The following ARHGEF28 variants were observed in gnomAD, a reference collection of about 807,000 sequenced individuals.
ARHGEF28 encodes 190 kDa guanine nucleotide exchange factor.
Under a neutral mutation model 206.6 loss-of-function variants are expected in ARHGEF28, and 152 were observed. The observed-to-expected ratio is 0.74, with a 90% confidence interval of 0.64 to 0.84. The LOEUF (loss-of-function observed/expected upper bound fraction) is 0.84. Ranked by LOEUF, ARHGEF28 falls within the 40% of genes least tolerant of loss-of-function variation. The probability of loss-of-function intolerance (pLI) is 0.00; values close to 1 mark genes in which losing one functional copy is unlikely to be tolerated. For missense variants in ARHGEF28, 2,028 were observed against 2,073.2 expected (o/e 0.98, Z 0.42); for synonymous variants, 763 against 776.4 (o/e 0.98, Z 0.29).
chr5:73,839,275 G>A (rs186699846), intron 10 of ARHGEF28, among the ~76,000 whole-genome samples: 1 of 152,126 alleles, frequency 6.6e-6, no homozygotes, highest in Non-Finnish European at 1.5e-5. Context: ...CATGTCAGGA[G>A]ATATTTTAAG....
chr5:73,904,164 A>C, intron 31 of ARHGEF28, 58 bp from the exon 32 acceptor site: 1 of 1,572,578 alleles, frequency 6.4e-7, no homozygotes, highest in Non-Finnish European at 8.8e-7. Flanking sequence ...GGGACACTGC[A>C]GGGCAGCTTT....
intron 34 of ARHGEF28, 46 bp from the exon 35 acceptor site, chr5:73,911,229 A>G (rs1484360054): frequency 1.0e-5 from 15 of 1,478,934 alleles, no homozygotes; most frequent in Admixed American, 8.5e-5. Context: ...TGAAACTTGT[A>G]TAAGTTAGAA....
At chr5:73,678,586 T>G (rs1019972075) in intron 1 of ARHGEF28, among the ~76,000 whole-genome samples, 3 of 152,206 alleles carry the variant, frequency 2.0e-5, no homozygotes, top group Non-Finnish European at 4.4e-5. Context: ...TGTGTGATTC[T>G]GGACTTTGGA....
At chr5:73,759,544 G>A (rs942953551) in intron 4 of ARHGEF28, among the ~76,000 whole-genome samples, 3 of 152,260 alleles carry the variant, frequency 2.0e-5, no homozygotes, top group East Asian at 1.9e-4. Context: ...ACAGAGGCCC[G>A]AAAGGACTTT....
At chr5:73,911,642 C>G in intron 35 of ARHGEF28, 67 bp downstream of exon 35, 3 of 1,458,064 alleles carry the variant, frequency 2.1e-6, no homozygotes, top group Non-Finnish European at 2.8e-6. Context: ...ATGGTTGGCT[C>G]TTGTGTAGAG....
At chr5:73,922,739 C>T (rs1037722158) in intron 35 of ARHGEF28, among the ~76,000 whole-genome samples, 2 of 152,126 alleles carry the variant, frequency 1.3e-5, no homozygotes, top group African/African-American at 4.8e-5. Context: ...CTGACTAAAA[C>T]TGAACCCTCT....
At chr5:73,897,853 G>T in intron 29 of ARHGEF28, 109 bp from the exon 30 acceptor site, 1 of 1,245,878 alleles carries the variant, frequency 8.0e-7, no homozygotes, top group Non-Finnish European at 1.1e-6. Flanking sequence ...TAGCCCCTGG[G>T]TCCTATAAAA....
intron 10 of ARHGEF28, among the ~76,000 whole-genome samples, chr5:73,836,702 G>A (rs1757663795): frequency 6.6e-6 from 1 of 152,096 alleles, no homozygotes; most frequent in South Asian, 2.1e-4. Flanking sequence ...TCTTGCTTGT[G>A]CTTTTGGTGT....
chr5:73,652,377 T>A (rs984776386), intron 1 of ARHGEF28, among the ~76,000 whole-genome samples: 3 of 152,142 alleles, frequency 2.0e-5, no homozygotes, highest in Non-Finnish European at 4.4e-5. Context: ...GATTTAGCTA[T>A]TCATAGAGAG....
intron 33 of ARHGEF28, among the ~76,000 whole-genome samples, chr5:73,906,388 G>T (rs1204905212): frequency 6.6e-6 from 1 of 152,126 alleles, no homozygotes; most frequent in Non-Finnish European, 1.5e-5. Flanking sequence ...ATAGGCGTGT[G>T]CCACCAAGCC....
rs375604675 is a variant in ARHGEF28, at chr5:73,774,056, A to G, written c.659+18A>G. Reference sequence around the variant, plus strand: ...GTCACAAAGTGAGTTTAGCTACTTGATAGTCTCTCTCTTATTTGTATAAAG... The same window carrying G: ...GTCACAAAGTGAGTTTAGCTACTTGGTAGTCTCTCTCTTATTTGTATAAAG... On this transcript the variant is annotated intron_variant, in intron 5 of 35. Coordinates refer to ENST00000513042, the MANE Select transcript of ARHGEF28 (RefSeq NM_001177693.2). 356 of 1,562,156 alleles carry G rather than the reference A, an allele frequency of 2.3e-4. 3 individuals carry two copies. The highest frequency in any genetic ancestry group is 1.4e-4 in the Non-Finnish European group (157 of 1,152,280).
chr5:73,753,997 G>A (rs1407188190), intron 4 of ARHGEF28, among the ~76,000 whole-genome samples: 3 of 152,066 alleles, frequency 2.0e-5, no homozygotes, highest in African/African-American at 7.2e-5. Context: ...GTGATTACAA[G>A]TTATATATAA....
At chr5:73,929,198 A>G (rs1183627957) in intron 35 of ARHGEF28, among the ~76,000 whole-genome samples, 1 of 152,214 alleles carries the variant, frequency 6.6e-6, no homozygotes, top group Non-Finnish European at 1.5e-5. Context: ...ACAAAATTAT[A>G]ATATAATAGC....
chr5:73,753,963 C>T (rs1752166844), intron 4 of ARHGEF28, among the ~76,000 whole-genome samples: 1 of 152,188 alleles, frequency 6.6e-6, no homozygotes. Flanking sequence ...GCCCACGTGT[C>T]CAGCCAATAG....
At chr5:73,666,830 A>T (rs2112203799) in intron 1 of ARHGEF28, among the ~76,000 whole-genome samples, 1 of 152,282 alleles carries the variant, frequency 6.6e-6, no homozygotes, top group Middle Eastern at 3.4e-3. Context: ...AAGCTACAGG[A>T]GAAGTTATGA....
chr5:73,910,254 C>T (rs1162372629), intron 34 of ARHGEF28, among the ~76,000 whole-genome samples: 1 of 151,404 alleles, frequency 6.6e-6, no homozygotes, highest in Non-Finnish European at 1.5e-5. Context: ...GGTGGCGGGC[C>T]TCTGTAATCC....
intron 1 of ARHGEF28, among the ~76,000 whole-genome samples, chr5:73,627,899 TC>T (rs1314699812): frequency 2.0e-5 from 3 of 152,084 alleles, no homozygotes; most frequent in African/African-American, 4.8e-5. Context: ...TTTTTTTTTT[TC>T]CTTATCAAAA....
chr5:73,817,716 C>T (rs964926369), intron 9 of ARHGEF28, among the ~76,000 whole-genome samples: 2 of 152,094 alleles, frequency 1.3e-5, no homozygotes, highest in South Asian at 4.1e-4. Context: ...AATGAGTTGC[C>T]ACAAATTAGA....
chr5:73,762,690 AT>A (rs565742270), intron 4 of ARHGEF28, among the ~76,000 whole-genome samples: 1 of 151,320 alleles, frequency 6.6e-6, no homozygotes. Flanking sequence ...TATAGTCTTG[AT>A]TTTTTTTTGT....
Sources: allele counts gnomAD v4.1 joint callset (sites outside exome capture counted in the v4.1 genomes callset), GRCh38; gene constraint gnomAD v4.1.1; transcripts MANE v1.5; gene names NCBI Gene and HGNC (gene_info 2026-07-23, HGNC 2026-07-21).